Variants in PRKG1 observed in about 807,000 individuals in gnomAD.
The protein encoded by PRKG1 is protein kinase cGMP-dependent 1, also known as cGMP-dependent protein kinase 1.
A neutral mutation model predicts 88.1 loss-of-function variants in PRKG1; 35 were observed. The observed-to-expected ratio is 0.40, with a 90% CI of 0.30 to 0.53. The LOEUF is 0.53. Among genes scored for constraint, PRKG1 ranks in the 20% least tolerant of loss-of-function variants. The pLI is 0.59. For missense variants in PRKG1, 540 were observed against 839.8 expected (o/e 0.64, Z 4.41); for synonymous variants, 303 against 292.5 (o/e 1.04, Z -0.37).
chr10:51,474,384 G>T (rs1218388130), intron 3 of PRKG1, among the ~76,000 whole-genome samples: 2 of 151,950 alleles, frequency 1.3e-5, no homozygotes, highest in Non-Finnish European at 2.9e-5. Flanking sequence ...TATACAGCAT[G>T]TTATGGTTTC....
At chr10:51,063,635 A>G (rs951779049) in intron 1 of PRKG1, among the ~76,000 whole-genome samples, 50 of 152,282 alleles carry the variant, frequency 3.3e-4, no homozygotes, top group African/African-American at 1.2e-3. Flanking sequence ...TACGTTAATA[A>G]GAGTCATTTT....
intron 8 of PRKG1, among the ~76,000 whole-genome samples, chr10:52,135,370 A>G (rs1837380709): frequency 6.6e-6 from 1 of 152,150 alleles, no homozygotes; most frequent in Admixed American, 6.6e-5. Flanking sequence ...GTTCACTGAG[A>G]AAATTGAATG....
At chr10:51,723,592 A>C (rs900051314) in intron 3 of PRKG1, among the ~76,000 whole-genome samples, 7 of 150,622 alleles carry the variant, frequency 4.6e-5, no homozygotes, top group African/African-American at 1.7e-4. Flanking sequence ...TGTTCTGCAC[A>C]TGTATCCCAG....
At chr10:51,448,047 T>G (rs557911506) in intron 2 of PRKG1, among the ~76,000 whole-genome samples, 19 of 151,880 alleles carry the variant, frequency 1.3e-4, no homozygotes, top group Non-Finnish European at 2.2e-4. Context: ...CTGGGTAACA[T>G]AGTGAGACCC....
chr10:51,418,273 G>T (rs1477098316), intron 2 of PRKG1, among the ~76,000 whole-genome samples: 1 of 152,076 alleles, frequency 6.6e-6, no homozygotes, highest in Non-Finnish European at 1.5e-5. Flanking sequence ...AGAGCCATAG[G>T]TATACCAAAA....
intron 3 of PRKG1, among the ~76,000 whole-genome samples, chr10:51,705,464 C>G (rs1160140348): frequency 6.6e-6 from 1 of 152,162 alleles, no homozygotes; most frequent in Non-Finnish European, 1.5e-5. Context: ...ATACTTTTCT[C>G]TGGGTTCCCA....
intron 3 of PRKG1, among the ~76,000 whole-genome samples, chr10:51,596,461 T>A (rs1838451424): frequency 6.6e-6 from 1 of 152,198 alleles, no homozygotes; most frequent in Non-Finnish European, 1.5e-5. Context: ...GTCATAATTT[T>A]AAATTAAGTT....
At position 52,297,918 on chromosome 10, in the gene PRKG1, A is replaced by G. The variant is rs1027619521; in HGVS notation, c.*4018A>G. 1 of 152,178 alleles carries G rather than the reference A, an allele frequency of 6.6e-6. No individual in the cohort carries two copies. Among genetic ancestry groups the G allele is most frequent in the Non-Finnish European group, 1.5e-5 (1 of 68,036 alleles). 9.4% of individuals were successfully genotyped at this position (152,178 alleles called of 1,614,324 possible). The stretch of plus-strand genomic sequence containing the variant: ...CGAGGCAAGTTTTCAACAGACCTAG[A>G]AAGCAAAACATTGAAAGTGTGTTGT... On this transcript the variant is annotated 3_prime_UTR_variant, in exon 18 of 18. Transcript: ENST00000373980.
intron 3 of PRKG1, among the ~76,000 whole-genome samples, chr10:51,534,475 T>C (rs890092752): frequency 1.3e-5 from 2 of 151,984 alleles, no homozygotes; most frequent in Non-Finnish European, 2.9e-5. Context: ...GAGACCATCC[T>C]GGCTAACATG....
At chr10:51,612,801 C>T (rs1838945618) in intron 3 of PRKG1, among the ~76,000 whole-genome samples, 2 of 151,690 alleles carry the variant, frequency 1.3e-5, no homozygotes, top group Non-Finnish European at 2.9e-5. Flanking sequence ...GTTTTTATGC[C>T]TCATTTGGTG....
rs77230585 is a variant in PRKG1, at chr10:51,553,916, T to C, written c.592+86080T>C. 8.2e-4 allele frequency among the ~76,000 whole-genome samples: 108 copies of C among 132,264 alleles called. 1 individual carries two copies. The highest frequency in any genetic ancestry group is 3.9e-3 in the Middle Eastern group (1 of 256). 86.8% of individuals were successfully genotyped at this position (132,264 alleles called of 152,430 possible). ...AATATATGTATGTATTAGATACGTG[T>C]ATATAATATATGTATGTATTAGATA... On this transcript the variant is annotated intron_variant, in intron 3 of 17. Transcript: ENST00000373980.
chr10:51,483,009 C>CTTTTTTTTTTTTTTT (rs149140774), intron 3 of PRKG1, among the ~76,000 whole-genome samples: 10 of 110,474 alleles, frequency 9.1e-5, no homozygotes, highest in Non-Finnish European at 1.3e-4. Flanking sequence ...TCTTTTCTTT[C>CTTTTTTTTTTTTTTT]TTTTTTTTTT....
intron 4 of PRKG1, among the ~76,000 whole-genome samples, chr10:51,894,293 T>G (rs189859418): frequency 6.6e-6 from 1 of 152,196 alleles, no homozygotes; most frequent in Admixed American, 6.5e-5. Context: ...GACATTATAC[T>G]GGATGAAATA....
chr10:51,178,595 C>A (rs1464272838), intron 2 of PRKG1, among the ~76,000 whole-genome samples: 5 of 152,100 alleles, frequency 3.3e-5, no homozygotes, highest in African/African-American at 2.4e-5. Context: ...TTTGATTATG[C>A]CACTGCACTC....
chr10:51,398,927 C>T (rs1482839430), intron 2 of PRKG1, among the ~76,000 whole-genome samples: 1 of 152,076 alleles, frequency 6.6e-6, no homozygotes, highest in Non-Finnish European at 1.5e-5. Context: ...GTTGTGGAGC[C>T]TTTCAGATTT....
At chr10:51,735,851 CTGCATA>C (rs1388910313) in intron 3 of PRKG1, among the ~76,000 whole-genome samples, 1 of 84,102 alleles carries the variant, frequency 1.2e-5, no homozygotes, top group Non-Finnish European at 2.3e-5. Context: ...GGGGGCCTGA[CTGCATA>C]TATATATATA....
At chr10:52,097,832 T>A (rs957859550) in intron 7 of PRKG1, among the ~76,000 whole-genome samples, 8 of 151,958 alleles carry the variant, frequency 5.3e-5, no homozygotes. Flanking sequence ...CCTTTGAAGA[T>A]GCTATGAATC....
At chr10:52,021,481 C>A (rs1336952997) in intron 5 of PRKG1, among the ~76,000 whole-genome samples, 1 of 152,112 alleles carries the variant, frequency 6.6e-6, no homozygotes, top group Non-Finnish European at 1.5e-5. Flanking sequence ...TAAGGTAGAT[C>A]TCTATGTGCT....
At chr10:52,005,160 C>T (rs1411232461) in intron 5 of PRKG1, among the ~76,000 whole-genome samples, 2 of 151,910 alleles carry the variant, frequency 1.3e-5, no homozygotes, top group Non-Finnish European at 2.9e-5. Context: ...TTAATACCAC[C>T]CTGGAGAAAT....
Sources: allele counts gnomAD v4.1 joint callset (sites outside exome capture counted in the v4.1 genomes callset), GRCh38; gene constraint gnomAD v4.1.1; transcripts MANE v1.5; gene names NCBI Gene and HGNC (gene_info 2026-07-23, HGNC 2026-07-21).